Variants in DAAM1 observed in about 807,000 individuals in gnomAD.
DAAM1 encodes disheveled-associated activator of morphogenesis 1.
DAAM1 carries 52 observed loss-of-function variants against 130.0 expected under a neutral mutation model. The observed-to-expected ratio is 0.40, with a 90% CI of 0.32 to 0.50. DAAM1 has a LOEUF of 0.50. DAAM1 is among the 20% of genes least tolerant of loss of function. The pLI is 0.61. For synonymous variants in DAAM1, 452 were observed against 444.5 expected, an observed-to-expected ratio of 1.02 and a Z score of -0.21; for missense variants, 1,134 against 1,303.8, an observed-to-expected ratio of 0.87 and a Z score of 2.01.
intron 1 of DAAM1, among the ~76,000 whole-genome samples, chr14:59,190,525 C>A (rs1198622755): frequency 6.6e-6 from 1 of 152,234 alleles, no homozygotes; most frequent in East Asian, 1.9e-4. Flanking sequence ...CAATTAATAA[C>A]GGCTGGAAGA....
In DAAM1 at chr14:59,220,206, G is replaced by A. The variant is rs140306260; in HGVS notation, c.-38+31438G>A. Among the ~76,000 whole-genome samples the A allele has an allele frequency of 6.8e-4, 104 of 152,276 alleles. 2 individuals are homozygous for A. The East Asian group carries it at 0.011, about 16-fold the overall frequency. On this transcript the variant is annotated intron_variant, in intron 1 of 24. Transcript: ENST00000360909. ...AAGGAAGAGATACACAGAAGTCAGA[G>A]AATTGGCGGCTCTATTCTCAGGTGT... is the stretch of plus-strand genomic sequence containing the variant.
chr14:59,348,399 A>C (rs372297357), intron 17 of DAAM1, among the ~76,000 whole-genome samples: 2 of 151,578 alleles, frequency 1.3e-5, no homozygotes, highest in East Asian at 3.9e-4. Flanking sequence ...TCTCGCACAT[A>C]TTCTAGGGAT....
chr14:59,222,162 C>T (rs943551743), intron 1 of DAAM1, among the ~76,000 whole-genome samples: 7 of 152,162 alleles, frequency 4.6e-5, no homozygotes, highest in African/African-American at 1.4e-4. Flanking sequence ...TGGTAGGGAA[C>T]ATGGTAAGAC....
At chr14:59,333,122 C>T (rs541640094) in intron 15 of DAAM1, among the ~76,000 whole-genome samples, 1 of 152,084 alleles carries the variant, frequency 6.6e-6, no homozygotes, top group Non-Finnish European at 1.5e-5. Flanking sequence ...GCCTTTGATA[C>T]ATCTGAAATG....
chr14:59,371,289 T>G lies in DAAM1; in HGVS notation c.*2430T>G, dbSNP rs994435949. ...TTAGTAGTTGGAACCACTTAGTCTT[T>G]AGGTGCAAGACTGTTGTTAGATAGT... On this transcript the variant is annotated 3_prime_UTR_variant, in exon 25 of 25. Coordinates refer to ENST00000360909, the MANE Select transcript of DAAM1 (RefSeq NM_001270520.2). 1 of 152,106 alleles carries G rather than the reference T, an allele frequency of 6.6e-6. No homozygotes were observed. The highest frequency in any genetic ancestry group is 1.9e-4 in the East Asian group (1 of 5,196). The allele number at this position is 152,106 out of a possible 1,614,324, so 9.4% of individuals were successfully genotyped here. A position where few individuals can be genotyped will look rare whatever the true frequency, so the allele number is the denominator to read the frequency against.
intron 3 of DAAM1, chr14:59,299,766 A>G (rs1354178644): frequency 6.6e-6 from 1 of 152,174 alleles, no homozygotes; most frequent in South Asian, 2.1e-4. Context: ...AACAAAATGC[A>G]GTCTGTTGGC....
chr14:59,293,527 G>A (rs1883835154), intron 3 of DAAM1, among the ~76,000 whole-genome samples: 3 of 152,138 alleles, frequency 2.0e-5, no homozygotes, highest in African/African-American at 7.2e-5. Context: ...GTACCTGGCT[G>A]GATTGCACAG....
At position 59,351,586 on chromosome 14, in the gene DAAM1, C is replaced by T. The variant is rs552205339; in HGVS notation, c.2161-940C>T. 5.9e-5 allele frequency among the ~76,000 whole-genome samples: 9 copies of T among 152,232 alleles called. No homozygotes were observed. The South Asian group carries it at 1.5e-3, about 25-fold the overall frequency. ...AATGTATTCCAGCCTCACACAACAC[C>T]TGCCTGTAATTCCAATTCCCTCTCT... On this transcript the variant is annotated intron_variant, in intron 17 of 24. Transcript: ENST00000360909.
intron 13 of DAAM1, 56 bp from the exon 14 acceptor site, chr14:59,331,153 A>G (rs972264387): frequency 3.1e-5 from 49 of 1,591,002 alleles, no homozygotes; most frequent in Admixed American, 1.2e-4. Context: ...CTCTTAAATC[A>G]TTCAATGAAT....
At chr14:59,331,952 G>C (rs373625966) in intron 15 of DAAM1, 32 bp downstream of exon 15, 40 of 1,577,308 alleles carry the variant, frequency 2.5e-5, no homozygotes, top group East Asian at 1.8e-4. Context: ...ACACCAAAAA[G>C]GTAGAAAAAT....
rs912486322 is a variant in DAAM1 at position 59,362,673 on chromosome 14, A to G, written c.2695-978A>G. On this transcript the variant is annotated intron_variant, in intron 22 of 24. Coordinates refer to ENST00000360909, the MANE Select transcript of DAAM1 (RefSeq NM_001270520.2). Reference sequence around the variant, plus strand: ...AAAAAATCAATAAACTGAGGCCCAGAGCAACATGCCATGGTTAAGAACCAA... The same window carrying G: ...AAAAAATCAATAAACTGAGGCCCAGGGCAACATGCCATGGTTAAGAACCAA... 3 of 151,996 alleles carry G rather than the reference A, an allele frequency of 2.0e-5. No individual in the cohort carries two copies. In the East Asian group the frequency reaches 5.8e-4, roughly 29 times the overall value. The allele number at this position is 151,996 out of a possible 1,614,324, so 9.4% of individuals were successfully genotyped here.
chr14:59,327,012 A>G (rs774482296), intron 12 of DAAM1, 21 bp downstream of exon 12: 1 of 1,613,676 alleles, frequency 6.2e-7, no homozygotes, highest in East Asian at 2.2e-5. Context: ...AGGCCCTGAT[A>G]AGAGGCTGTG....
rs545772133 is a variant in DAAM1, at chr14:59,201,112, G to A, written c.-38+12344G>A. Among the ~76,000 whole-genome samples, 4 of 147,006 alleles carry A rather than the reference G, an allele frequency of 2.7e-5. No individual in the cohort carries two copies. In the Admixed American group the frequency reaches 2.8e-4, roughly 10 times the overall value. ...GGAGGCAGAGCTTGCAGTGAGCGGAGGTTGTGACACTGCACTCCAGCCTGG... is the reference window on the plus strand; with the variant it reads ...GGAGGCAGAGCTTGCAGTGAGCGGAAGTTGTGACACTGCACTCCAGCCTGG... On this transcript the variant is annotated intron_variant, in intron 1 of 24. Transcript: ENST00000360909.
chr14:59,291,452 G>A (rs958033650), intron 3 of DAAM1, 146 bp downstream of exon 3: 1 of 612,132 alleles, frequency 1.6e-6, no homozygotes. Context: ...GCTACATGTA[G>A]CCAGTGTCAA....
intron 16 of DAAM1, 65 bp downstream of exon 16, chr14:59,340,245 A>G (rs905894969): frequency 1.1e-5 from 17 of 1,483,948 alleles, no homozygotes; most frequent in Non-Finnish European, 1.5e-5. Flanking sequence ...GCTCAAAACC[A>G]CATGTTAGTG....
intron 1 of DAAM1, among the ~76,000 whole-genome samples, chr14:59,221,499 G>A (rs145905058): frequency 2.4e-4 from 36 of 152,248 alleles, no homozygotes; most frequent in South Asian, 6.2e-4. Flanking sequence ...TTCTTTATCT[G>A]GTCGGGTGGC....
chr14:59,346,506 C>G (rs960731378), intron 16 of DAAM1, among the ~76,000 whole-genome samples: 7 of 152,122 alleles, frequency 4.6e-5, no homozygotes, highest in African/African-American at 1.7e-4. Context: ...GTGACTCATG[C>G]CTGTAATCCC....
At position 59,340,146 on chromosome 14, in the gene DAAM1, C is replaced by T. The variant is rs181718144; in HGVS notation, c.2041C>T (p.Arg681Trp). 3.7e-6 allele frequency: 6 copies of T among 1,613,430 alleles called. No individual in the cohort carries two copies. In the Admixed American group the frequency reaches 5.0e-5, roughly 13 times the overall value. The change falls in exon 16 of 25, where the codon CGG (arginine) becomes TGG (tryptophan). Residue 681 changes from arginine to tryptophan, a missense_variant. Physicochemically the swap from Arg to Trp is moderately radical, Grantham distance 101. Transcript: ENST00000360909. ...TAAAGAGCTTTCGGTGATTGATGGT[C>T]GGAGAGCTCAGAATTGCAACATCCT... ...KVKELSVIDG[R>W]RAQNCNILLS...
chr14:59,351,829 C>T (rs548384531), intron 17 of DAAM1, among the ~76,000 whole-genome samples: 131 of 151,968 alleles, frequency 8.6e-4, no homozygotes, highest in Non-Finnish European at 1.3e-3. Flanking sequence ...ACATCCAAAA[C>T]GTGTGTACCT....
Sources: gnomAD v4.1 joint callset for allele counts (sites outside exome capture counted in the v4.1 genomes callset) on GRCh38, gnomAD v4.1.1 for gene constraint, MANE v1.5 for transcripts, NCBI Gene and HGNC (gene_info 2026-07-23, HGNC 2026-07-21) for gene names.